TRPM3: variants seen among roughly 807,000 people sequenced by gnomAD.
TRPM3 encodes transient receptor potential cation channel subfamily M member 3.
TRPM3 carries 77 observed loss-of-function variants against 181.2 expected under a neutral mutation model. That is an observed-to-expected ratio of 0.42 (90% confidence interval 0.35 to 0.51). The LOEUF (loss-of-function observed/expected upper bound fraction) is 0.51, where lower values mean the gene tolerates loss of function less well. TRPM3 is among the 20% of genes least tolerant of loss of function. The pLI is 0.01. For missense variants in TRPM3, 1,759 were observed against 2,196.7 expected (o/e 0.80, Z 3.98); for synonymous variants, 745 against 796.4 (o/e 0.94, Z 1.09).
At chr9:70,610,163 G>GCGCACACACACA (rs2061792321) in intron 19 of TRPM3, among the ~76,000 whole-genome samples, 1 of 152,160 alleles carries the variant, frequency 6.6e-6, no homozygotes, top group African/African-American at 2.4e-5. Context: ...GCACACACAC[G>GCGCACACACACA]CATGCATACA....
chr9:70,628,033 C>T (rs2064987728), intron 12 of TRPM3, among the ~76,000 whole-genome samples: 1 of 152,204 alleles, frequency 6.6e-6, no homozygotes, highest in Admixed American at 6.5e-5. Flanking sequence ...TATTAGCCTT[C>T]CCATAAAACT....
At chr9:71,163,242 C>A (rs553104713) in intron 1 of TRPM3, among the ~76,000 whole-genome samples, 2 of 152,142 alleles carry the variant, frequency 1.3e-5, no homozygotes, top group African/African-American at 4.8e-5. Context: ...AACATAATCA[C>A]TCAGGAGCAG....
intron 1 of TRPM3, among the ~76,000 whole-genome samples, chr9:71,169,310 T>G (rs973668689): frequency 6.6e-6 from 1 of 152,186 alleles, no homozygotes; most frequent in Non-Finnish European, 1.5e-5. Flanking sequence ...CAATACATGC[T>G]CTTTATATTC....
intron 1 of TRPM3, among the ~76,000 whole-genome samples, chr9:71,300,772 A>G (rs992875331): frequency 1.3e-5 from 2 of 152,118 alleles, no homozygotes; most frequent in Non-Finnish European, 2.9e-5. Flanking sequence ...GATCTATTTC[A>G]AATGTGATTT....
chr9:70,755,047 ATTATAG>A (rs2076810861), intron 8 of TRPM3, among the ~76,000 whole-genome samples: 1 of 152,202 alleles, frequency 6.6e-6, no homozygotes, highest in Non-Finnish European at 1.5e-5. Context: ...AAAATTTGAA[ATTATAG>A]TTATACTGTA....
chr9:71,039,013 CT>C (rs1242751194), intron 1 of TRPM3, among the ~76,000 whole-genome samples: 2 of 152,088 alleles, frequency 1.3e-5, no homozygotes, highest in African/African-American at 2.4e-5. Flanking sequence ...CTAAAGTAAA[CT>C]TAAAAAAACA....
chr9:70,856,835 A>G (rs773604271), intron 3 of TRPM3, among the ~76,000 whole-genome samples: 1 of 152,216 alleles, frequency 6.6e-6, no homozygotes, highest in Non-Finnish European at 1.5e-5. Context: ...AGGTTTAAAT[A>G]TAAGTCCTTA....
At chr9:71,230,286 C>T (rs1428044807) in intron 1 of TRPM3, among the ~76,000 whole-genome samples, 4 of 151,208 alleles carry the variant, frequency 2.6e-5, no homozygotes, top group African/African-American at 7.3e-5. Flanking sequence ...TTGTGCAGAT[C>T]GAGAGCAGAA....
intron 19 of TRPM3, among the ~76,000 whole-genome samples, chr9:70,606,245 T>A (rs112775808): frequency 6.6e-6 from 1 of 152,228 alleles, no homozygotes; most frequent in Non-Finnish European, 1.5e-5. Context: ...AGAGGCCCAA[T>A]AAATGCTGGC....
intron 1 of TRPM3, among the ~76,000 whole-genome samples, chr9:71,206,783 C>T (rs1220112126): frequency 6.6e-6 from 1 of 151,998 alleles, no homozygotes; most frequent in African/African-American, 2.4e-5. Flanking sequence ...GGAAGGGGTC[C>T]AGTTTCAGTT....
chr9:70,952,763 G>A (rs3010425), intron 1 of TRPM3, among the ~76,000 whole-genome samples: 114,155 of 151,958 alleles, frequency 0.75, 43,187 homozygotes, highest in African/African-American at 0.79. Context: ...GTTGGGAGAC[G>A]AGACTGGATA....
intron 1 of TRPM3, among the ~76,000 whole-genome samples, chr9:71,017,931 C>A (rs2134456863): frequency 6.6e-6 from 1 of 151,738 alleles, no homozygotes; most frequent in South Asian, 2.1e-4. Flanking sequence ...TATTCTGGGC[C>A]ATGAAACAAA....
chr9:71,261,719 T>C (rs1171587323), intron 1 of TRPM3, among the ~76,000 whole-genome samples: 1 of 152,236 alleles, frequency 6.6e-6, no homozygotes, highest in Non-Finnish European at 1.5e-5. Context: ...GTTGATGCTA[T>C]TGGTTTCTGT....
chr9:71,175,444 T>C (rs145162618), intron 1 of TRPM3, among the ~76,000 whole-genome samples: 1,833 of 152,184 alleles, frequency 0.012, 37 homozygotes, highest in Non-Finnish European at 0.016. Flanking sequence ...GAAAAATAAA[T>C]CTCTAACATC....
chr9:71,121,709 G>C (rs375198155), upstream of TRPM3: 146 of 942,336 alleles, frequency 1.5e-4, no homozygotes, highest in East Asian at 9.3e-4. Flanking sequence ...GCTTGGTTTG[G>C]GGGGGAGCCA....
intron 22 of TRPM3, among the ~76,000 whole-genome samples, chr9:70,561,043 T>A (rs901574056): frequency 2.6e-5 from 4 of 152,326 alleles, no homozygotes; most frequent in Admixed American, 2.6e-4. Flanking sequence ...AAAGGATATT[T>A]CTTGAAGAAT....
intron 8 of TRPM3, among the ~76,000 whole-genome samples, chr9:70,695,342 A>T (rs934082442): frequency 6.6e-6 from 1 of 152,170 alleles, no homozygotes; most frequent in African/African-American, 2.4e-5. Flanking sequence ...TTTGTGTGGG[A>T]TCATCTTTTT....
chr9:71,009,704 G>T (rs1202070376), intron 1 of TRPM3, among the ~76,000 whole-genome samples: 1 of 151,828 alleles, frequency 6.6e-6, no homozygotes, highest in Non-Finnish European at 1.5e-5. Context: ...AAATATGAAA[G>T]ACATTCTTCA....
At chr9:71,121,071 C>G in intron 1 of TRPM3, 107 bp downstream of exon 1, 5 of 1,076,822 alleles carry the variant, frequency 4.6e-6, no homozygotes, top group Non-Finnish European at 6.8e-6. Context: ...GCCAGTACTG[C>G]ATGCATTTAG....
Sources: gnomAD v4.1 joint callset for allele counts (sites outside exome capture counted in the v4.1 genomes callset) on GRCh38, gnomAD v4.1.1 for gene constraint, MANE v1.5 for transcripts, NCBI Gene and HGNC (gene_info 2026-07-23, HGNC 2026-07-21) for gene names.